Variants in RGS3 observed in about 807,000 individuals in gnomAD.
RGS3 encodes the protein regulator of G protein signaling 3.
In RGS3, 80 loss-of-function variants were observed where a neutral mutation model predicts 132.6. The ratio of observed to expected loss-of-function variants is 0.60; its 90% CI spans 0.50 to 0.73. The LOEUF is 0.73. Among genes scored for constraint, RGS3 ranks in the 30% least tolerant of loss-of-function variants. The pLI is 0.00. For missense variants in RGS3, 1,382 were observed against 1,530.8 expected, an observed-to-expected ratio of 0.90 and a Z score of 1.62; for synonymous variants, 598 against 620.6, an observed-to-expected ratio of 0.96 and a Z score of 0.54.
intron 19 of RGS3, among the ~76,000 whole-genome samples, chr9:113,560,008 G>A (rs143791532): frequency 2.6e-5 from 4 of 152,260 alleles, no homozygotes; most frequent in Admixed American, 1.3e-4. Context: ...CTCAGGGTCC[G>A]TTGAGGCCCA....
chr9:113,448,949 G>A (rs539827612), intron 1 of RGS3, among the ~76,000 whole-genome samples: 127 of 152,194 alleles, frequency 8.3e-4, no homozygotes, highest in Non-Finnish European at 1.4e-3. Flanking sequence ...AAGTGACATA[G>A]GTGGGAAAAG....
chr9:113,525,307 C>T (rs1030801596), intron 17 of RGS3, among the ~76,000 whole-genome samples: 45 of 152,138 alleles, frequency 3.0e-4, no homozygotes, highest in Non-Finnish European at 3.5e-4. Context: ...CTTGCCTTCC[C>T]CCAGCTGCCC....
At chr9:113,471,108 C>G (rs991464041) in intron 3 of RGS3, among the ~76,000 whole-genome samples, 1 of 152,174 alleles carries the variant, frequency 6.6e-6, no homozygotes, top group South Asian at 2.1e-4. Flanking sequence ...CTGGGTTAGT[C>G]TTAATTCAGT....
intron 18 of RGS3, among the ~76,000 whole-genome samples, chr9:113,535,896 G>C (rs561167076): frequency 6.6e-6 from 1 of 152,110 alleles, no homozygotes; most frequent in African/African-American, 2.4e-5. Context: ...TCCCTACCCC[G>C]CCCCTAGCAC....
rs539641653 is a variant in RGS3 at position 113,497,586 on chromosome 9, T to C, written c.841+182T>C. Reference sequence around the variant, plus strand: ...CAGGCTGCAGGAAGCCTCTTGCCCATGCCTCCACTGTTTATCTGGTTGGAC... The same window carrying C: ...CAGGCTGCAGGAAGCCTCTTGCCCACGCCTCCACTGTTTATCTGGTTGGAC... On this transcript the variant is annotated intron_variant, in intron 9 of 24. Coordinates refer to ENST00000350696, the Ensembl canonical transcript of RGS3. Among the ~76,000 whole-genome samples, 4 of 152,294 alleles carry C rather than the reference T, an allele frequency of 2.6e-5. No individual in the cohort carries two copies. In the South Asian group the frequency reaches 6.2e-4, roughly 24 times the overall value.
At chr9:113,447,329 G>GTATATATGTGTATATATATATATATATA (rs1305095004) in intron 1 of RGS3, among the ~76,000 whole-genome samples, 3 of 27,554 alleles carry the variant, frequency 1.1e-4, no homozygotes, top group African/African-American at 2.9e-4. Context: ...GTATGTATAT[G>GTATATATGTGTATATATATATATATATA]TATATATATA....
intron 1 of RGS3, among the ~76,000 whole-genome samples, chr9:113,449,148 G>A (rs2119138263): frequency 6.6e-6 from 1 of 152,332 alleles, no homozygotes; most frequent in Non-Finnish European, 1.5e-5. Flanking sequence ...ATGGCAGAGT[G>A]AAACATGAAT....
intron 16 of RGS3, among the ~76,000 whole-genome samples, chr9:113,519,964 C>T (rs1831859307): frequency 6.6e-6 from 1 of 152,206 alleles, no homozygotes; most frequent in Non-Finnish European, 1.5e-5. Flanking sequence ...CCTCCCTTTA[C>T]ACACTGACTC....
intron 10 of RGS3, among the ~76,000 whole-genome samples, chr9:113,501,903 T>G (rs907055701): frequency 6.6e-6 from 1 of 152,110 alleles, no homozygotes. Context: ...GGGGAGGGGC[T>G]GTGGGTGTGA....
In RGS3 at chr9:113,483,014, T is replaced by C. The variant is rs144366754; in HGVS notation, c.467-45T>C. 2.5e-6 allele frequency: 4 copies of C among 1,613,684 alleles called. No homozygotes were observed. The East Asian group carries it at 8.9e-5, about 36-fold the overall frequency. ...GTCTCTCTTTCTCGCTGTGTGTGTGTGTATGTTTCCATTCATCCACCCCAA... is the reference window on the plus strand; with the variant it reads ...GTCTCTCTTTCTCGCTGTGTGTGTGCGTATGTTTCCATTCATCCACCCCAA... On this transcript the variant is annotated intron_variant, in intron 4 of 24. Transcript: ENST00000350696.
chr9:113,458,937 A>T (rs918569642), upstream of RGS3, among the ~76,000 whole-genome samples: 3 of 152,076 alleles, frequency 2.0e-5, no homozygotes, highest in African/African-American at 7.2e-5. Context: ...TTTTTAGCAA[A>T]CATGGGTTTC....
intron 3 of RGS3, among the ~76,000 whole-genome samples, chr9:113,475,021 T>C (rs1321407450): frequency 6.6e-6 from 1 of 152,212 alleles, no homozygotes; most frequent in African/African-American, 2.4e-5. Context: ...TCCACATCCA[T>C]TTAAAAGTGC....
intron 19 of RGS3, among the ~76,000 whole-genome samples, chr9:113,548,473 A>G (rs965218141): frequency 1.5e-4 from 23 of 152,212 alleles, no homozygotes; most frequent in African/African-American, 5.3e-4. Context: ...AGCTAGGAGC[A>G]TGGCTGGAGT....
intron 3 of RGS3, among the ~76,000 whole-genome samples, chr9:113,466,867 T>G (rs982846631): frequency 1.1e-4 from 17 of 152,214 alleles, no homozygotes; most frequent in Non-Finnish European, 2.2e-4. Flanking sequence ...ATTATGCTCT[T>G]TAGCTTGTAC....
intron 1 of RGS3, among the ~76,000 whole-genome samples, chr9:113,454,506 G>A (rs1829322477): frequency 6.6e-6 from 1 of 152,136 alleles, no homozygotes; most frequent in South Asian, 2.1e-4. Context: ...TACTTAGCAG[G>A]CTGAGGCATA....
chr9:113,555,792 T>C (rs1833543206), intron 19 of RGS3, among the ~76,000 whole-genome samples: 1 of 152,222 alleles, frequency 6.6e-6, no homozygotes, highest in African/African-American at 2.4e-5. Context: ...TTAGCACTAT[T>C]CTGTTTTAAG....
intron 19 of RGS3, among the ~76,000 whole-genome samples, chr9:113,547,207 A>C (rs1588232931): frequency 6.6e-6 from 1 of 152,286 alleles, no homozygotes; most frequent in South Asian, 2.1e-4. Context: ...TCGGTACTCT[A>C]ATACCAGGCA....
At chr9:113,503,846 C>T (rs1039132352) in intron 10 of RGS3, among the ~76,000 whole-genome samples, 1 of 152,204 alleles carries the variant, frequency 6.6e-6, no homozygotes, top group Non-Finnish European at 1.5e-5. Flanking sequence ...GCGGGCCCGG[C>T]AACTAGTGGC....
intron 10 of RGS3, chr9:113,501,617 G>A (rs1382650658): frequency 5.8e-6 from 9 of 1,562,006 alleles, no homozygotes; most frequent in South Asian, 1.2e-5. Flanking sequence ...TGCTCGGAGC[G>A]CCGCTACCGC....
Sources: allele counts gnomAD v4.1 joint callset (sites outside exome capture counted in the v4.1 genomes callset), GRCh38; gene constraint gnomAD v4.1.1; transcripts MANE v1.5; gene names NCBI Gene and HGNC (gene_info 2026-07-23, HGNC 2026-07-21).